TFPI: variants seen among roughly 807,000 people sequenced by gnomAD.
TFPI encodes the protein tissue factor pathway inhibitor, also known as anti-convertin.
TFPI carries 15 observed loss-of-function variants against 34.6 expected under a neutral mutation model. That is an observed-to-expected ratio of 0.43 (90% CI 0.29 to 0.67). The LOEUF (loss-of-function observed/expected upper bound fraction) is 0.67. TFPI is among the 30% of genes least tolerant of loss of function. The pLI, the probability that TFPI is intolerant of heterozygous loss-of-function variation, is 0.15. For missense variants in TFPI, 301 were observed against 364.0 expected, an observed-to-expected ratio of 0.83 and a Z score of 1.41; for synonymous variants, 105 against 120.1, an observed-to-expected ratio of 0.87 and a Z score of 0.82.
At chr2:187,484,768 G>A (rs757852853) in intron 5 of TFPI, 43 bp downstream of exon 5, 27 of 1,528,892 alleles carry the variant, frequency 1.8e-5, no homozygotes, top group South Asian at 1.2e-4. Context: ...GTTTTAAAAG[G>A]ATGCCTATAA....
chr2:187,549,217 G>T (rs1479837464), intron 1 of TFPI, among the ~76,000 whole-genome samples: 1 of 152,004 alleles, frequency 6.6e-6, no homozygotes, highest in Non-Finnish European at 1.5e-5. Flanking sequence ...TTATCTGTTT[G>T]CCTCAAGTGG....
Position 187,467,014 on chromosome 2 carries a change from G to C in TFPI, c.837C>G (p.Gly279=). The C allele has an allele frequency of 6.3e-7, 1 of 1,584,090 alleles. No homozygotes were observed. The highest frequency in any genetic ancestry group is 8.6e-7 in the Non-Finnish European group (1 of 1,162,674). ...KGFIQRISKG[G]LIKTKRKRKK... is the part of the protein sequence containing the mutation. ...TTCTTTTTCTTTTGGTTTTAATTAG[G>C]CCTCCTTTTGATATTCTTTGGATGA... The change falls in exon 8 of 8, where the codon GGC becomes GGG. Residue 279 remains glycine (G), a synonymous_variant. Transcript: ENST00000233156.
intron 2 of TFPI, among the ~76,000 whole-genome samples, chr2:187,498,173 G>A (rs1347248886): frequency 6.6e-6 from 1 of 151,748 alleles, no homozygotes; most frequent in Admixed American, 6.6e-5. Context: ...AAAAAAGAAT[G>A]AGACTTTAAT....
intron 1 of TFPI, among the ~76,000 whole-genome samples, chr2:187,505,996 T>TAA (rs76413079): frequency 4.0e-5 from 6 of 150,892 alleles, no homozygotes; most frequent in East Asian, 1.9e-4. Flanking sequence ...AATTTTTTTT[T>TAA]TAAAAAAAAG....
chr2:187,539,779 A>C (rs1388437629), intron 1 of TFPI, among the ~76,000 whole-genome samples: 1 of 152,226 alleles, frequency 6.6e-6, no homozygotes, highest in East Asian at 1.9e-4. Flanking sequence ...AGGGATTGTT[A>C]ATGTGAAAGC....
In TFPI at chr2:187,464,612, A is replaced by G. The variant is rs916596978; in HGVS notation, c.*2324T>C. ...TATACAATCTTAGTGACTATTTACCACTTCACCTAAGTAGACTTTCCCACT... is the reference window on the plus strand; with the variant it reads ...TATACAATCTTAGTGACTATTTACCGCTTCACCTAAGTAGACTTTCCCACT... On this transcript the variant is annotated 3_prime_UTR_variant, in exon 8 of 8. Transcript: ENST00000233156. 1 of 152,192 alleles carries G rather than the reference A, an allele frequency of 6.6e-6. No individual in the cohort carries two copies. The highest frequency in any genetic ancestry group is 2.4e-5 in the African/African-American group (1 of 41,458). 9.4% of individuals were successfully genotyped at this position (152,192 alleles called of 1,614,324 possible).
intron 1 of TFPI, among the ~76,000 whole-genome samples, chr2:187,538,053 T>C (rs1457508163): frequency 2.0e-5 from 3 of 152,272 alleles, no homozygotes; most frequent in Non-Finnish European, 2.9e-5. Flanking sequence ...TCACACCCAT[T>C]AGAATAGCAA....
intron 1 of TFPI, chr2:187,518,411 C>G (rs1273293387): frequency 6.6e-6 from 1 of 152,144 alleles, no homozygotes; most frequent in Admixed American, 6.5e-5. Context: ...CTTAATTTGG[C>G]TGGATACGAA....
chr2:187,466,711 A>C lies in TFPI; in HGVS notation c.*225T>G. On this transcript the variant is annotated 3_prime_UTR_variant, in exon 8 of 8. Transcript: ENST00000233156. Reference sequence around the variant, plus strand: ...AAAATACAGATAGATCCAGAAAATAAGTAATTTCCCAGTAGCCAGTTAATA... The same window carrying C: ...AAAATACAGATAGATCCAGAAAATACGTAATTTCCCAGTAGCCAGTTAATA... 3.5e-6 allele frequency: 1 copy of C among 288,260 alleles called. No individual in the cohort carries two copies. Among genetic ancestry groups the C allele is most frequent in the Non-Finnish European group, 6.6e-6 (1 of 150,698 alleles). 17.9% of individuals were successfully genotyped at this position (288,260 alleles called of 1,614,324 possible). A position where few individuals can be genotyped will look rare whatever the true frequency, so the allele number is the denominator to read the frequency against.
At position 187,493,747 on chromosome 2, in the gene TFPI, G is replaced by A. The variant is rs559857776; in HGVS notation, c.319+3134C>T. 3.9e-5 allele frequency among the ~76,000 whole-genome samples: 6 copies of A among 152,238 alleles called. No homozygotes were observed. The South Asian group carries it at 1.2e-3, about 32-fold the overall frequency. On this transcript the variant is annotated intron_variant, in intron 3 of 7. Transcript: ENST00000233156. ...CGAATCTCTAGGGCAGGGGCAAAAT[G>A]CTGCCAGTCTCTTTGCTAAAACATA...
At chr2:187,537,713 GCAACAAAAGCCAAAAT>G (rs1688339477) in intron 1 of TFPI, among the ~76,000 whole-genome samples, 1 of 152,154 alleles carries the variant, frequency 6.6e-6, no homozygotes, top group Non-Finnish European at 1.5e-5. Flanking sequence ...AAAAGCAATG[GCAACAAAAGCCAAAAT>G]TGACAAATGG....
chr2:187,535,830 C>T (rs188007307), intron 1 of TFPI, among the ~76,000 whole-genome samples: 34 of 151,918 alleles, frequency 2.2e-4, no homozygotes, highest in African/African-American at 4.8e-4. Flanking sequence ...ATAGACAGAC[C>T]GTTAACCAGA....
intron 1 of TFPI, among the ~76,000 whole-genome samples, chr2:187,549,893 G>C (rs546698892): frequency 6.6e-6 from 1 of 151,796 alleles, no homozygotes; most frequent in Non-Finnish European, 1.5e-5. Flanking sequence ...AAAAAAAAAA[G>C]ACAAAATATA....
chr2:187,512,798 A>C (rs760518531), intron 1 of TFPI, among the ~76,000 whole-genome samples: 2 of 152,190 alleles, frequency 1.3e-5, no homozygotes, highest in Non-Finnish European at 2.9e-5. Flanking sequence ...AAATTTATGT[A>C]AAAAGAATGT....
In TFPI at chr2:187,507,866, T is replaced by C. The variant is rs542222107; in HGVS notation, c.-2-4096A>G. On this transcript the variant is annotated intron_variant, in intron 1 of 7. Transcript: ENST00000233156. ...TTTGTTGCCATTGCTTTTGGTGTTT[T>C]AGTCATGAAGTCTTTGCCCATACCT... Among the ~76,000 whole-genome samples, 3 of 152,346 alleles carry C rather than the reference T, an allele frequency of 2.0e-5. No homozygotes were observed. The East Asian group carries it at 5.8e-4, about 29-fold the overall frequency.
intron 1 of TFPI, among the ~76,000 whole-genome samples, chr2:187,550,761 A>C (rs1403074838): frequency 6.6e-6 from 1 of 152,166 alleles, no homozygotes; most frequent in African/African-American, 2.4e-5. Context: ...GATGAAAATT[A>C]ATCTTTGAAG....
intron 1 of TFPI, among the ~76,000 whole-genome samples, chr2:187,548,973 C>T (rs1225977161): frequency 6.6e-6 from 1 of 151,968 alleles, no homozygotes; most frequent in Non-Finnish European, 1.5e-5. Context: ...AAAGGAAAGC[C>T]CAGATATCTC....
chr2:187,470,354 T>G (rs1691960719), intron 6 of TFPI, among the ~76,000 whole-genome samples: 1 of 152,122 alleles, frequency 6.6e-6, no homozygotes, highest in Admixed American at 6.6e-5. Flanking sequence ...AAACTTCTTC[T>G]CTTTTCCCAC....
At chr2:187,554,143 G>A (rs1689190757) in intron 1 of TFPI, 57 bp downstream of exon 1, 1 of 151,854 alleles carries the variant, frequency 6.6e-6, no homozygotes, top group Non-Finnish European at 1.5e-5. Context: ...TTTCCCCCGA[G>A]AAAAAGAAAT....
Sources: gnomAD v4.1 joint callset for allele counts (sites outside exome capture counted in the v4.1 genomes callset) on GRCh38, gnomAD v4.1.1 for gene constraint, MANE v1.5 for transcripts, NCBI Gene and HGNC (gene_info 2026-07-23, HGNC 2026-07-21) for gene names.